The following CPSF4 variants were observed in gnomAD, a reference collection of about 807,000 sequenced individuals.
CPSF4 encodes cleavage and polyadenylation specificity factor subunit 4.
CPSF4 carries 11 observed loss-of-function variants against 37.7 expected under a neutral mutation model. The observed-to-expected ratio is 0.29, with a 90% CI of 0.18 to 0.48. CPSF4 has a LOEUF of 0.48. CPSF4 is among the 20% of genes least tolerant of loss of function. The pLI is 0.99. For missense variants in CPSF4, 144 were observed against 359.5 expected (o/e 0.40, Z 4.85); for synonymous variants, 132 against 135.9 (o/e 0.97, Z 0.20).
chr7:99,441,495 G>T (rs1796980922), intron 1 of CPSF4: 2 of 456,234 alleles, frequency 4.4e-6, no homozygotes, highest in Non-Finnish European at 8.8e-6. Flanking sequence ...ATCCTGTTCA[G>T]TTAAAGCCTA....
In CPSF4 at chr7:99,440,674, A is replaced by ATATATTTTT; in HGVS notation, c.103+1490_103+1491insATATTTTTT. ...ACCTGGCATATATATATATATATAT[A>ATATATTTTT]TTTTTTTTTTTTTTTTTTTCCTGCC... On this transcript the variant is annotated intron_variant, in intron 1 of 7. Transcript: ENST00000292476. Among the ~76,000 whole-genome samples, 98 of 88,082 alleles carry ATATATTTTT rather than the reference A, an allele frequency of 1.1e-3. 3 individuals carry two copies. Among genetic ancestry groups the ATATATTTTT allele is most frequent in the African/African-American group, 7.4e-3 (76 of 10,304 alleles). 57.8% of individuals were successfully genotyped at this position (88,082 alleles called of 152,430 possible). A position where few individuals can be genotyped will look rare whatever the true frequency, so the allele number is the denominator to read the frequency against.
At chr7:99,450,019 G>C (rs1163187281) in intron 3 of CPSF4, among the ~76,000 whole-genome samples, 2 of 152,182 alleles carry the variant, frequency 1.3e-5, no homozygotes, top group Non-Finnish European at 2.9e-5. Context: ...GAGAGGGCCA[G>C]GTCCACAAGT....
intron 7 of CPSF4, 95 bp downstream of exon 7, chr7:99,454,231 A>G: frequency 2.5e-6 from 3 of 1,193,118 alleles, no homozygotes; most frequent in Non-Finnish European, 2.3e-6. Context: ...GAGAAAAATG[A>G]AAACATTCAT....
intron 1 of CPSF4, chr7:99,439,732 G>A (rs138785082): frequency 0.013 from 1,936 of 152,314 alleles, 21 homozygotes; most frequent in Middle Eastern, 0.038. Context: ...TACGTTGAGC[G>A]TCTCTTCTTG....
chr7:99,441,773 A>G (rs1165827786), intron 1 of CPSF4, among the ~76,000 whole-genome samples: 7 of 151,912 alleles, frequency 4.6e-5, no homozygotes, highest in Admixed American at 6.6e-5. Flanking sequence ...GCTCACTGCA[A>G]CCTCTGCCTC....
chr7:99,447,562 C>G lies in CPSF4; in HGVS notation c.155-559C>G, dbSNP rs537465824. Among the ~76,000 whole-genome samples, 7 of 150,856 alleles carry G rather than the reference C, an allele frequency of 4.6e-5. No homozygotes were observed. In the East Asian group the frequency reaches 1.4e-3, roughly 30 times the overall value. ...CCCCCCTTTTAATTCCTCCATCTTA[C>G]AGTAATATCTGTGAGATCATGAGTA... is the stretch of plus-strand genomic sequence containing the variant. On this transcript the variant is annotated intron_variant, in intron 2 of 7. Coordinates refer to ENST00000292476, the MANE Select transcript of CPSF4 (RefSeq NM_006693.4).
At position 99,456,891 on chromosome 7, in the gene CPSF4, C is replaced by G. The variant is rs1798351051; in HGVS notation, c.*391C>G. ...TGACGCCAGGGGCTGGTAGGTCATT[C>G]AAAGCTGTGGCCAGCTCACGCCTGC... is the stretch of plus-strand genomic sequence containing the variant. On this transcript the variant is annotated 3_prime_UTR_variant, in exon 8 of 8. Coordinates refer to ENST00000292476, the MANE Select transcript of CPSF4 (RefSeq NM_006693.4). 18 of 363,374 alleles carry G rather than the reference C, an allele frequency of 5.0e-5. 1 individual carries two copies. The highest frequency in any genetic ancestry group is 3.7e-4 in the South Asian group (17 of 46,196). The allele number at this position is 363,374 out of a possible 1,614,324, so 22.5% of individuals were successfully genotyped here. A position where few individuals can be genotyped will look rare whatever the true frequency, so the allele number is the denominator to read the frequency against.
intron 1 of CPSF4, among the ~76,000 whole-genome samples, chr7:99,442,667 A>C (rs1326575976): frequency 2.0e-5 from 3 of 151,218 alleles, no homozygotes; most frequent in Non-Finnish European, 4.4e-5. Flanking sequence ...AAAAAAAAAA[A>C]AAAAAAAACA....
chr7:99,450,509 C>T lies in CPSF4; in HGVS notation c.403+138C>T, dbSNP rs45608238. 2,375 of 746,250 alleles carry T rather than the reference C, an allele frequency of 3.2e-3. 30 individuals carry two copies. In the African/African-American group the frequency reaches 0.036, roughly 11 times the overall value. 46.2% of individuals were successfully genotyped at this position (746,250 alleles called of 1,614,324 possible). On this transcript the variant is annotated intron_variant, in intron 4 of 7. Coordinates refer to ENST00000292476, the MANE Select transcript of CPSF4 (RefSeq NM_006693.4). Reference sequence around the variant, plus strand: ...CAGCTAGCGGCTTTCTCACACTCCTCATCTCCCTTGCCTCTCCCAAGAATG... The same window carrying T: ...CAGCTAGCGGCTTTCTCACACTCCTTATCTCCCTTGCCTCTCCCAAGAATG...
At chr7:99,454,812 C>T (rs1352934770) in intron 7 of CPSF4, among the ~76,000 whole-genome samples, 1 of 152,162 alleles carries the variant, frequency 6.6e-6, no homozygotes, top group African/African-American at 2.4e-5. Flanking sequence ...GAGTAACCCC[C>T]AGTACTCTTT....
intron 2 of CPSF4, 109 bp downstream of exon 2, chr7:99,444,948 A>T: frequency 1.1e-6 from 1 of 936,586 alleles, no homozygotes; most frequent in African/African-American, 1.6e-5. Context: ...CTTTCTACAG[A>T]CTAACGATCT....
At chr7:99,455,811 C>T (rs1362470579) in intron 7 of CPSF4, among the ~76,000 whole-genome samples, 3 of 152,208 alleles carry the variant, frequency 2.0e-5, no homozygotes, top group Admixed American at 1.3e-4. Flanking sequence ...GTCTAAGCAT[C>T]GTCCCATCTC....
At chr7:99,441,192 C>G (rs996510123) in intron 1 of CPSF4, among the ~76,000 whole-genome samples, 15 of 152,108 alleles carry the variant, frequency 9.9e-5, no homozygotes, top group African/African-American at 3.6e-4. Flanking sequence ...CTTAAATGAT[C>G]CACCTGCCTC....
chr7:99,450,557 G>A lies in CPSF4; in HGVS notation c.404-145G>A, dbSNP rs1562862735. 1.6e-5 allele frequency: 13 copies of A among 793,412 alleles called. No individual in the cohort carries two copies. The East Asian group carries it at 2.0e-4, about 12-fold the overall frequency. 49.1% of individuals were successfully genotyped at this position (793,412 alleles called of 1,614,324 possible). On this transcript the variant is annotated intron_variant, in intron 4 of 7. Transcript: ENST00000292476. The stretch of plus-strand genomic sequence containing the variant: ...ATGCTGGGTGGGTGGTGGTCCACCC[G>A]CTTTTTTGATAAGGAGGCCAGTGTT...
rs883403 is a variant in CPSF4 at position 99,450,355 on chromosome 7, T to C, written c.387T>C (p.Arg129=). ...TCAAGGACTGTCCTTGGTATGACCGTGGCTTCTGCAAGCACGGTAGGTGCC... is the reference window on the plus strand; with the variant it reads ...TCAAGGACTGTCCTTGGTATGACCGCGGCTTCTGCAAGCACGGTAGGTGCC... ...SKIKDCPWYD[R]GFCKHGPLCR... The change falls in exon 4 of 8, where the codon CGT becomes CGC. Residue 129 remains arginine, a synonymous_variant. Coordinates refer to ENST00000292476, the MANE Select transcript of CPSF4 (RefSeq NM_006693.4). 0.21 allele frequency: 339,013 copies of C among 1,612,266 alleles called. 53,480 individuals carry two copies. The highest frequency in any genetic ancestry group is 0.8 in the African/African-American group (60,235 of 74,920).
rs753571540 is a variant in CPSF4 at position 99,456,576 on chromosome 7, G to C, written c.*76G>C. ...GTGCATTTAACTGTTTCATGCGCTT[G>C]TTGGCGCGACTGTGGCTCGAGCTGG... On this transcript the variant is annotated 3_prime_UTR_variant, in exon 8 of 8. Coordinates refer to ENST00000292476, the MANE Select transcript of CPSF4 (RefSeq NM_006693.4). The C allele has an allele frequency of 7.8e-7, 1 of 1,277,038 alleles. No individual in the cohort carries two copies. The highest frequency in any genetic ancestry group is 1.1e-6 in the Non-Finnish European group (1 of 884,468). The allele number at this position is 1,277,038 out of a possible 1,614,324, so 79.1% of individuals were successfully genotyped here. A position where few individuals can be genotyped will look rare whatever the true frequency, so the allele number is the denominator to read the frequency against.
chr7:99,439,394 T>G (rs1254969987), intron 1 of CPSF4: 1 of 494,856 alleles, frequency 2.0e-6, no homozygotes, highest in Non-Finnish European at 3.6e-6. Context: ...TCCCCTTTAG[T>G]TACCGAACTC....
At chr7:99,446,159 C>T (rs1321707642) in intron 2 of CPSF4, among the ~76,000 whole-genome samples, 4 of 152,148 alleles carry the variant, frequency 2.6e-5, no homozygotes, top group African/African-American at 7.2e-5. Context: ...CCAGTCAGAA[C>T]GTCATTACCT....
Position 99,454,185 on chromosome 7 carries a change from T to A in CPSF4, c.741+49T>A, listed in dbSNP as rs77770698. 1,101 of 1,513,720 alleles carry A rather than the reference T, an allele frequency of 7.3e-4. 18 individuals are homozygous for A. In the East Asian group the frequency reaches 0.019, roughly 26 times the overall value. The allele number at this position is 1,513,720 out of a possible 1,614,324, so 93.8% of individuals were successfully genotyped here. On this transcript the variant is annotated intron_variant, in intron 7 of 7. Transcript: ENST00000292476. ...GGGTGGGGTCTTCCCTTACCGTCAG[T>A]GGCCATTCCCTCATGCCCCATGTGT...
Sources: gnomAD v4.1 joint callset for allele counts (sites outside exome capture counted in the v4.1 genomes callset) on GRCh38, gnomAD v4.1.1 for gene constraint, MANE v1.5 for transcripts, NCBI Gene and HGNC (gene_info 2026-07-23, HGNC 2026-07-21) for gene names.